Variants in EYA1 observed in about 807,000 individuals in gnomAD.
EYA1 encodes the protein EYA transcriptional coactivator and phosphatase 1.
A neutral mutation model predicts 82.0 loss-of-function variants in EYA1; 16 were observed. The ratio of observed to expected loss-of-function variants is 0.20; its 90% CI spans 0.13 to 0.30. EYA1 has a LOEUF of 0.30. EYA1 is among the 10% of genes least tolerant of loss of function. The pLI is 1.00. For synonymous variants in EYA1, 261 were observed against 264.4 expected (o/e 0.99, Z 0.12); for missense variants, 633 against 730.7 (o/e 0.87, Z 1.54).
At position 71,299,039 on chromosome 8, in the gene EYA1, A is replaced by G. The variant is rs1428218443; in HGVS notation, c.826+8T>C. 2 of 1,612,536 alleles carry G rather than the reference A, an allele frequency of 1.2e-6. No individual in the cohort carries two copies. Among genetic ancestry groups the G allele is most frequent in the South Asian group, 2.2e-5 (2 of 91,056 alleles). On this transcript the variant is annotated splice_region_variant and intron_variant, in intron 9 of 17. Coordinates refer to ENST00000340726, the MANE Select transcript of EYA1 (RefSeq NM_000503.6). ...CACCTGCAGGACTAATAATATTCAC[A>G]TAATTACCTGCTGTGGGATCTGTAA...
chr8:71,272,683 T>C (rs1447233594), intron 9 of EYA1, among the ~76,000 whole-genome samples: 3 of 152,234 alleles, frequency 2.0e-5, no homozygotes, highest in Admixed American at 6.5e-5. Flanking sequence ...GCTTATCTTG[T>C]GTTCAGACTG....
intron 2 of EYA1, among the ~76,000 whole-genome samples, chr8:71,421,940 A>G (rs1831170133): frequency 6.6e-6 from 1 of 152,242 alleles, no homozygotes; most frequent in Non-Finnish European, 1.5e-5. Context: ...TTTGAAAAGT[A>G]TCGGCGTCAG....
intron 2 of EYA1, among the ~76,000 whole-genome samples, chr8:71,431,267 A>C (rs1325447161): frequency 6.6e-6 from 1 of 152,208 alleles, no homozygotes; most frequent in African/African-American, 2.4e-5. Context: ...CCCTTCCTGT[A>C]AGTATATTCA....
chr8:71,492,385 G>A (rs1473402891), intron 2 of EYA1, among the ~76,000 whole-genome samples: 1 of 152,160 alleles, frequency 6.6e-6, no homozygotes, highest in African/African-American at 2.4e-5. Flanking sequence ...AGAGATGGTA[G>A]CAGGAGAAGG....
In EYA1 at chr8:71,302,503, C is replaced by T. The variant is rs375165821; in HGVS notation, c.557-2783G>A. Among the ~76,000 whole-genome samples, 128 of 151,692 alleles carry T rather than the reference C, an allele frequency of 8.4e-4. 5 individuals are homozygous for T. The highest frequency in any genetic ancestry group is 3.0e-3 in the African/African-American group (125 of 41,440). On this transcript the variant is annotated intron_variant, in intron 7 of 17. Transcript: ENST00000340726. ...AACATAAGTTATACTCATTTGCTGG[C>T]TGACTGCAGGCTGAGATTCCATTCC...
chr8:71,522,638 T>G (rs1283431112), intron 2 of EYA1, among the ~76,000 whole-genome samples: 1 of 147,736 alleles, frequency 6.8e-6, no homozygotes, highest in Admixed American at 6.7e-5. Flanking sequence ...TTTTTTTTTT[T>G]GAGACAGGAT....
chr8:71,405,994 C>T (rs1186413720), intron 2 of EYA1, among the ~76,000 whole-genome samples: 9 of 152,118 alleles, frequency 5.9e-5, no homozygotes, highest in Non-Finnish European at 5.9e-5. Flanking sequence ...ATATCATTAA[C>T]AAAATCCAGA....
chr8:71,518,866 T>C (rs941646719), intron 2 of EYA1, among the ~76,000 whole-genome samples: 19 of 152,194 alleles, frequency 1.2e-4, no homozygotes, highest in Admixed American at 6.5e-4. Context: ...ATAAAAAACC[T>C]AAGTTCATAA....
At chr8:71,418,560 C>A (rs1026549820) in intron 2 of EYA1, among the ~76,000 whole-genome samples, 1 of 151,858 alleles carries the variant, frequency 6.6e-6, no homozygotes, top group African/African-American at 2.4e-5. Context: ...CTACACCCTT[C>A]CACACACACA....
At chr8:71,347,430 C>G (rs1825847516) in intron 3 of EYA1, among the ~76,000 whole-genome samples, 1 of 152,188 alleles carries the variant, frequency 6.6e-6, no homozygotes, top group Non-Finnish European at 1.5e-5. Flanking sequence ...TCACACCATT[C>G]TCCTGCCTCA....
chr8:71,365,654 A>G (rs1827710770), upstream of EYA1, among the ~76,000 whole-genome samples: 1 of 152,116 alleles, frequency 6.6e-6, no homozygotes. Context: ...GGTCCATGCC[A>G]TGGCACTACC....
chr8:71,541,700 C>G (rs1413974552), intron 1 of EYA1, among the ~76,000 whole-genome samples: 3 of 152,142 alleles, frequency 2.0e-5, no homozygotes, highest in Non-Finnish European at 4.4e-5. Flanking sequence ...GAACCACAGT[C>G]CTATAAAGCC....
rs143853245 is a variant in EYA1, at chr8:71,400,208, G to A, written c.34-43697C>T. On this transcript the variant is annotated intron_variant, in intron 2 of 18. Transcript: ENST00000643681. ...TATAAAAACCCTAGATGAAAACCTAGGCAATACTATTCAGCACATAGGCGC... is the reference window on the plus strand; with the variant it reads ...TATAAAAACCCTAGATGAAAACCTAAGCAATACTATTCAGCACATAGGCGC... Among the ~76,000 whole-genome samples the A allele has an allele frequency of 3.4e-3, 519 of 152,100 alleles. 3 individuals are homozygous for A. Among genetic ancestry groups the A allele is most frequent in the South Asian group, 0.015 (73 of 4,826 alleles).
At chr8:71,309,335 A>G (rs1586292629) in intron 7 of EYA1, among the ~76,000 whole-genome samples, 1 of 149,402 alleles carries the variant, frequency 6.7e-6, no homozygotes, top group Non-Finnish European at 1.5e-5. Context: ...AAGTGAAACA[A>G]AATATTACTT....
At chr8:71,450,365 T>C (rs1269377092) in intron 2 of EYA1, among the ~76,000 whole-genome samples, 1 of 152,176 alleles carries the variant, frequency 6.6e-6, no homozygotes, top group African/African-American at 2.4e-5. Context: ...ACAGACCTAA[T>C]TTGACTATTG....
chr8:71,495,235 T>A (rs1811325900), intron 2 of EYA1, among the ~76,000 whole-genome samples: 1 of 152,260 alleles, frequency 6.6e-6, no homozygotes. Flanking sequence ...ATAGTATGGC[T>A]GTGACAACTT....
At chr8:71,225,535 T>C (rs943933329) in intron 12 of EYA1, among the ~76,000 whole-genome samples, 6 of 152,168 alleles carry the variant, frequency 3.9e-5, no homozygotes, top group Non-Finnish European at 7.4e-5. Context: ...TTGGCAGTTT[T>C]GGGAAGTGCA....
intron 9 of EYA1, among the ~76,000 whole-genome samples, chr8:71,287,281 T>C (rs184606373): frequency 6.6e-6 from 1 of 152,316 alleles, no homozygotes; most frequent in Admixed American, 6.5e-5. Flanking sequence ...AAAAAACTTT[T>C]GTAAAATAAA....
chr8:71,441,181 C>G (rs1806409915), intron 2 of EYA1, among the ~76,000 whole-genome samples: 1 of 152,112 alleles, frequency 6.6e-6, no homozygotes, highest in Non-Finnish European at 1.5e-5. Flanking sequence ...TGTATATATG[C>G]AAACAGAATG....
Sources: gnomAD v4.1 joint callset for allele counts (sites outside exome capture counted in the v4.1 genomes callset) on GRCh38, gnomAD v4.1.1 for gene constraint, MANE v1.5 for transcripts, NCBI Gene and HGNC (gene_info 2026-07-23, HGNC 2026-07-21) for gene names.